The following RFX3 variants were observed in gnomAD, a reference collection of about 807,000 sequenced individuals.
RFX3 encodes the protein transcription factor RFX3.
A neutral mutation model predicts 98.6 loss-of-function variants in RFX3; 14 were observed. The ratio of observed to expected loss-of-function variants is 0.14; its 90% confidence interval spans 0.09 to 0.22. RFX3 has a LOEUF of 0.22. RFX3 is among the 10% of genes least tolerant of loss of function. RFX3 has a pLI of 1.00. For synonymous variants in RFX3, 383 were observed against 328.4 expected (o/e 1.17, Z -1.80); for missense variants, 639 against 926.9 (o/e 0.69, Z 4.03).
intron 4 of RFX3, among the ~76,000 whole-genome samples, chr9:3,326,545 C>G (rs1303248292): frequency 6.6e-6 from 1 of 152,122 alleles, no homozygotes; most frequent in Non-Finnish European, 1.5e-5. Context: ...TCCATGTATT[C>G]TCATCATTTA....
chr9:3,389,348 T>C (rs1292167798), intron 2 of RFX3, among the ~76,000 whole-genome samples: 2 of 152,132 alleles, frequency 1.3e-5, no homozygotes, highest in African/African-American at 2.4e-5. Context: ...GAGCAATCCA[T>C]TTCTAGTCAT....
intron 1 of RFX3, among the ~76,000 whole-genome samples, chr9:3,416,638 T>A (rs1843009294): frequency 6.6e-6 from 1 of 152,298 alleles, no homozygotes; most frequent in South Asian, 2.1e-4. Flanking sequence ...TCTTACCCTA[T>A]ACATGAAGTG....
At chr9:3,402,795 T>C (rs752386383) in intron 1 of RFX3, among the ~76,000 whole-genome samples, 2 of 151,806 alleles carry the variant, frequency 1.3e-5, no homozygotes, top group East Asian at 3.9e-4. Flanking sequence ...TTAAGACAAC[T>C]AAAATGAGCA....
intron 4 of RFX3, among the ~76,000 whole-genome samples, chr9:3,304,018 G>T (rs952406283): frequency 2.2e-4 from 34 of 151,962 alleles, no homozygotes; most frequent in Non-Finnish European, 4.1e-4. Flanking sequence ...TGGAATGATA[G>T]GACAAGCAAG....
chr9:3,225,811 A>T (rs370380703), intron 16 of RFX3, among the ~76,000 whole-genome samples: 1 of 152,218 alleles, frequency 6.6e-6, no homozygotes, highest in African/African-American at 2.4e-5. Context: ...TCTGGCACTC[A>T]TCAATGTCAC....
rs138628625 is a variant in RFX3, at chr9:3,447,608, C to T, written c.-8-52012G>A. ...ACACAGGTTAACAAAAGGAGGTAAC[C>T]GACTTCTTAACTTATCACATTGTGA... is the stretch of plus-strand genomic sequence containing the variant. On this transcript the variant is annotated intron_variant, in intron 1 of 16. Transcript: ENST00000617270. Among the ~76,000 whole-genome samples the T allele has an allele frequency of 3.2e-3, 492 of 152,152 alleles. 2 individuals carry two copies. Among genetic ancestry groups the T allele is most frequent in the African/African-American group, 0.011 (477 of 41,520 alleles).
intron 1 of RFX3, among the ~76,000 whole-genome samples, chr9:3,521,613 A>C (rs985974133): frequency 6.6e-6 from 1 of 152,158 alleles, no homozygotes; most frequent in Non-Finnish European, 1.5e-5. Flanking sequence ...TAGTTTTTTT[A>C]TTTACTGCAG....
At chr9:3,463,876 G>C (rs368569903) in intron 1 of RFX3, among the ~76,000 whole-genome samples, 213 of 152,202 alleles carry the variant, frequency 1.4e-3, no homozygotes, top group African/African-American at 4.7e-3. Context: ...CAGAGGGTGA[G>C]GTGGGAGGAT....
intron 15 of RFX3, among the ~76,000 whole-genome samples, chr9:3,244,711 G>A (rs1487991220): frequency 6.6e-6 from 1 of 152,094 alleles, no homozygotes; most frequent in Non-Finnish European, 1.5e-5. Context: ...AGACTTCCCT[G>A]GTCCTCCCAG....
intron 4 of RFX3, among the ~76,000 whole-genome samples, chr9:3,316,030 C>T (rs2986702): frequency 0.12 from 18,978 of 152,052 alleles, 1,233 homozygotes; most frequent in Middle Eastern, 0.19. Flanking sequence ...TTTTATGAGG[C>T]CAACATCATC....
intron 15 of RFX3, among the ~76,000 whole-genome samples, chr9:3,240,135 A>G (rs1238525962): frequency 1.3e-5 from 2 of 152,234 alleles, no homozygotes; most frequent in African/African-American, 4.8e-5. Flanking sequence ...ATTTTCTGGT[A>G]TGGAACTCAG....
At chr9:3,446,095 G>C (rs149010814) in intron 1 of RFX3, among the ~76,000 whole-genome samples, 2 of 152,054 alleles carry the variant, frequency 1.3e-5, no homozygotes, top group African/African-American at 4.8e-5. Context: ...CCCGATGCCT[G>C]ATATATGAGA....
chr9:3,278,999 G>A (rs1825592778), intron 7 of RFX3, among the ~76,000 whole-genome samples: 1 of 151,734 alleles, frequency 6.6e-6, no homozygotes, highest in Non-Finnish European at 1.5e-5. Flanking sequence ...TTCAACTGGG[G>A]CCATATCCAA....
intron 2 of RFX3, among the ~76,000 whole-genome samples, chr9:3,356,226 T>C (rs145989675): frequency 6.9e-6 from 1 of 145,538 alleles, no homozygotes; most frequent in East Asian, 2.0e-4. Flanking sequence ...ATAAAAGAAA[T>C]AAAAATATGA....
chr9:3,431,443 C>T (rs190121438), intron 1 of RFX3, among the ~76,000 whole-genome samples: 12 of 151,928 alleles, frequency 7.9e-5, no homozygotes, highest in African/African-American at 2.7e-4. Flanking sequence ...GGCATGAACA[C>T]AGCATAAGAA....
chr9:3,458,572 T>C (rs911322638), intron 1 of RFX3, among the ~76,000 whole-genome samples: 5 of 152,126 alleles, frequency 3.3e-5, no homozygotes, highest in Admixed American at 2.0e-4. Flanking sequence ...AATACACCTG[T>C]TTTATGACCC....
chr9:3,458,807 A>C (rs536365449), intron 1 of RFX3, among the ~76,000 whole-genome samples: 1 of 152,306 alleles, frequency 6.6e-6, no homozygotes, highest in Non-Finnish European at 1.5e-5. Context: ...AGACTAAGCT[A>C]CCAATAAGTA....
At chr9:3,270,235 T>C in intron 11 of RFX3, 136 bp downstream of exon 11, 1 of 835,738 alleles carries the variant, frequency 1.2e-6, no homozygotes, top group South Asian at 2.1e-5. Context: ...TCACGCAATA[T>C]TCTGTGTTGC....
chr9:3,223,040 G>A lies in RFX3; in HGVS notation c.*2002C>T, dbSNP rs1279842300. 1 of 152,072 alleles carries A rather than the reference G, an allele frequency of 6.6e-6. No homozygotes were observed. Among genetic ancestry groups the A allele is most frequent in the East Asian group, 1.9e-4 (1 of 5,186 alleles). The allele number at this position is 152,072 out of a possible 1,614,324, so 9.4% of individuals were successfully genotyped here. ...GCCATTTGGTATTTCTAACTTTACA[G>A]ACTGGCTCACCTCGTCTTTCCAACC... On this transcript the variant is annotated 3_prime_UTR_variant, in exon 17 of 17. Coordinates refer to ENST00000617270, the MANE Select transcript of RFX3 (RefSeq NM_001282116.2).
Sources: gnomAD v4.1 joint callset for allele counts (sites outside exome capture counted in the v4.1 genomes callset) on GRCh38, gnomAD v4.1.1 for gene constraint, MANE v1.5 for transcripts, NCBI Gene and HGNC (gene_info 2026-07-23, HGNC 2026-07-21) for gene names.